PKN2: variants seen among roughly 807,000 people sequenced by gnomAD.
PKN2 encodes serine/threonine-protein kinase N2.
A neutral mutation model predicts 119.1 loss-of-function variants in PKN2; 38 were observed. The observed-to-expected ratio is 0.32, with a 90% CI of 0.25 to 0.42. The LOEUF (loss-of-function observed/expected upper bound fraction) is 0.42, where lower values mean the gene tolerates loss of function less well. Among genes scored for constraint, PKN2 ranks in the 10% least tolerant of loss-of-function variants. PKN2 has a pLI of 1.00. For missense variants in PKN2, 850 were observed against 1,165.1 expected (o/e 0.73, Z 3.94); for synonymous variants, 390 against 384.9 (o/e 1.01, Z -0.15).
At chr1:88,771,913 A>G in intron 6 of PKN2, 34 bp downstream of exon 6, 2 of 1,418,228 alleles carry the variant, frequency 1.4e-6, no homozygotes, top group Non-Finnish European at 2.0e-6. Flanking sequence ...TTTTGTGTGT[A>G]TTTTTGTCTA....
At chr1:88,796,270 TG>T (rs1326957449) in intron 8 of PKN2, among the ~76,000 whole-genome samples, 1 of 152,188 alleles carries the variant, frequency 6.6e-6, no homozygotes, top group Non-Finnish European at 1.5e-5. Flanking sequence ...TTGTCATATT[TG>T]TGCTCAGAAA....
chr1:88,770,406 A>G lies in PKN2; in HGVS notation c.559A>G (p.Ile187Val), dbSNP rs1358475710. 6.2e-7 allele frequency: 1 copy of G among 1,613,742 alleles called. No individual in the cohort carries two copies. Among genetic ancestry groups the G allele is most frequent in the Non-Finnish European group, 8.5e-7 (1 of 1,179,644 alleles). The change falls in exon 4 of 22, where the codon ATA becomes GTA. Residue 187 changes from isoleucine (I) to valine (V), a missense_variant. Coordinates refer to ENST00000370521, the MANE Select transcript of PKN2 (RefSeq NM_006256.4). Reference sequence around the variant, plus strand: ...ACTGCTCCAGGACAGCAAGACAAAAATAGAAGTCATACGAATGCAGATTCT... The same window carrying G: ...ACTGCTCCAGGACAGCAAGACAAAAGTAGAAGTCATACGAATGCAGATTCT... ...QQLLQDSKTK[I>V]EVIRMQILQA... is the part of the protein sequence containing the mutation.
chr1:88,754,256 C>T (rs1312864562), intron 2 of PKN2, among the ~76,000 whole-genome samples: 4 of 150,930 alleles, frequency 2.7e-5, no homozygotes, highest in Admixed American at 2.0e-4. Context: ...CTTTTTATGT[C>T]GCATTTTTCC....
intron 1 of PKN2, among the ~76,000 whole-genome samples, chr1:88,686,683 G>A (rs1048507872): frequency 6.6e-6 from 1 of 152,080 alleles, no homozygotes; most frequent in East Asian, 1.9e-4. Context: ...AAATGTTTGC[G>A]ACTATTACTT....
chr1:88,762,527 A>T lies in PKN2; in HGVS notation c.504+2151A>T, dbSNP rs538614881. Reference sequence around the variant, plus strand: ...TAAATTGAAATTATGTGGAATATTAATTTATTCATTAAGGATTTTGTTAAA... The same window carrying T: ...TAAATTGAAATTATGTGGAATATTATTTTATTCATTAAGGATTTTGTTAAA... On this transcript the variant is annotated intron_variant, in intron 3 of 21. Coordinates refer to ENST00000370521, the MANE Select transcript of PKN2 (RefSeq NM_006256.4). Among the ~76,000 whole-genome samples the T allele has an allele frequency of 3.3e-5, 5 of 152,278 alleles. No individual in the cohort carries two copies. The East Asian group carries it at 9.7e-4, about 29-fold the overall frequency.
At chr1:88,701,049 GGA>G (rs1666749815) in intron 1 of PKN2, among the ~76,000 whole-genome samples, 1 of 152,120 alleles carries the variant, frequency 6.6e-6, no homozygotes, top group Non-Finnish European at 1.5e-5. Context: ...ACCGGCAGAA[GGA>G]GCTGTCACCA....
intron 1 of PKN2, among the ~76,000 whole-genome samples, chr1:88,726,970 A>G (rs1245044002): frequency 6.6e-6 from 1 of 152,010 alleles, no homozygotes; most frequent in Non-Finnish European, 1.5e-5. Context: ...TTTTGATGGT[A>G]GTGTTCTTTC....
At chr1:88,722,596 C>G (rs951858714) in intron 1 of PKN2, among the ~76,000 whole-genome samples, 1 of 151,900 alleles carries the variant, frequency 6.6e-6, no homozygotes, top group Non-Finnish European at 1.5e-5. Flanking sequence ...CAACGTAGCA[C>G]AGTGAGACCC....
At chr1:88,699,545 T>A (rs1666686090) in intron 1 of PKN2, among the ~76,000 whole-genome samples, 1 of 152,086 alleles carries the variant, frequency 6.6e-6, no homozygotes, top group African/African-American at 2.4e-5. Flanking sequence ...CAGCATCCAT[T>A]AGCTATTCTT....
In PKN2 at chr1:88,720,183, G is replaced by A. The variant is rs540601263; in HGVS notation, c.49-20805G>A. Reference sequence around the variant, plus strand: ...CGAGTAGCTGGGACTATAGGTGCACGCTAATTTTTGCAATTTTTGTAGAGA... The same window carrying A: ...CGAGTAGCTGGGACTATAGGTGCACACTAATTTTTGCAATTTTTGTAGAGA... On this transcript the variant is annotated intron_variant, in intron 1 of 21. Coordinates refer to ENST00000370521, the MANE Select transcript of PKN2 (RefSeq NM_006256.4). Among the ~76,000 whole-genome samples the A allele has an allele frequency of 5.1e-4, 78 of 151,988 alleles. 1 individual carries two copies. The highest frequency in any genetic ancestry group is 1.2e-4 in the Non-Finnish European group (8 of 67,976).
At chr1:88,772,395 C>G (rs1375491111) in intron 6 of PKN2, among the ~76,000 whole-genome samples, 1 of 152,122 alleles carries the variant, frequency 6.6e-6, no homozygotes, top group African/African-American at 2.4e-5. Flanking sequence ...TTTGTGCACC[C>G]AACATGATGC....
intron 1 of PKN2, among the ~76,000 whole-genome samples, chr1:88,686,193 T>C (rs1666090396): frequency 6.6e-6 from 1 of 152,174 alleles, no homozygotes. Flanking sequence ...AGAAATACTT[T>C]ACATTGCCTG....
At chr1:88,754,420 AT>A (rs1275366685) in intron 2 of PKN2, among the ~76,000 whole-genome samples, 1 of 152,242 alleles carries the variant, frequency 6.6e-6, no homozygotes, top group Admixed American at 6.5e-5. Flanking sequence ...ACAGATCATT[AT>A]AATACAGTGT....
intron 8 of PKN2, among the ~76,000 whole-genome samples, chr1:88,796,159 A>AT (rs1314638963): frequency 6.6e-5 from 10 of 152,032 alleles, no homozygotes; most frequent in Admixed American, 2.0e-4. Flanking sequence ...TAGATTCCAA[A>AT]TTTTTTTTCA....
chr1:88,728,684 TA>T lies in PKN2; in HGVS notation c.49-12301del, dbSNP rs1557570593. The stretch of plus-strand genomic sequence containing the variant: ...GTTTTACTGGAATTGAATGATTCAG[TA>T]AATGGATGGTAGATGGTAGGAGCCA... On this transcript the variant is annotated intron_variant, in intron 1 of 21. Coordinates refer to ENST00000370521, the MANE Select transcript of PKN2 (RefSeq NM_006256.4). 2.6e-5 allele frequency among the ~76,000 whole-genome samples: 4 copies of T among 152,242 alleles called. No homozygotes were observed. In the East Asian group the frequency reaches 7.7e-4, roughly 29 times the overall value.
intron 1 of PKN2, among the ~76,000 whole-genome samples, chr1:88,689,434 G>T (rs1360533716): frequency 6.6e-6 from 1 of 152,110 alleles, no homozygotes; most frequent in Non-Finnish European, 1.5e-5. Context: ...CTTGCCACTG[G>T]TTCTAGATGA....
At chr1:88,756,243 A>G (rs902841962) in intron 2 of PKN2, among the ~76,000 whole-genome samples, 1 of 152,148 alleles carries the variant, frequency 6.6e-6, no homozygotes, top group Non-Finnish European at 1.5e-5. Context: ...TTAAGAATCT[A>G]TTATATAGTA....
intron 1 of PKN2, among the ~76,000 whole-genome samples, chr1:88,728,225 T>TATA: frequency 1.3e-5 from 2 of 152,234 alleles, no homozygotes; most frequent in South Asian, 4.1e-4. Context: ...AGTGAAGAGA[T>TATA]ATAAGCCTAC....
At chr1:88,714,561 T>C (rs1667369561) in intron 1 of PKN2, among the ~76,000 whole-genome samples, 1 of 150,932 alleles carries the variant, frequency 6.6e-6, no homozygotes, top group East Asian at 2.0e-4. Context: ...ATGGGAGTGA[T>C]TTGGTTCTGT....
Sources: allele counts gnomAD v4.1 joint callset (sites outside exome capture counted in the v4.1 genomes callset), GRCh38; gene constraint gnomAD v4.1.1; transcripts MANE v1.5; gene names NCBI Gene and HGNC (gene_info 2026-07-23, HGNC 2026-07-21).